Variants in FILIP1L observed in about 807,000 individuals in gnomAD.
FILIP1L encodes the protein filamin A interacting protein 1 like, also known as filamin A-interacting protein 1-like.
Under a neutral mutation model 96.6 loss-of-function variants are expected in FILIP1L, and 55 were observed. That is an observed-to-expected ratio of 0.57 (90% CI 0.46 to 0.71). The LOEUF (loss-of-function observed/expected upper bound fraction) is 0.71. Among genes scored for constraint, FILIP1L ranks in the 30% least tolerant of loss-of-function variants. The pLI is 0.00. For missense variants in FILIP1L, 1,304 were observed against 1,321.2 expected (o/e 0.99, Z 0.20); for synonymous variants, 467 against 473.9 (o/e 0.99, Z 0.19).
intron 4 of FILIP1L, among the ~76,000 whole-genome samples, chr3:99,877,820 C>T (rs370024717): frequency 6.6e-6 from 1 of 152,132 alleles, no homozygotes; most frequent in Non-Finnish European, 1.5e-5. Context: ...GATGCATAAA[C>T]ACCTGAATCT....
At position 99,930,834 on chromosome 3, in the gene FILIP1L, G is replaced by A; in HGVS notation, c.187C>T (p.Gln63Ter). 6.2e-7 allele frequency: 1 copy of A among 1,612,516 alleles called. No individual in the cohort carries two copies. Among genetic ancestry groups the A allele is most frequent in the Non-Finnish European group, 8.5e-7 (1 of 1,179,532 alleles). Residue 63 changes from glutamine to a stop codon, truncating the protein, a stop_gained, in exon 2 of 6, where the codon CAA (glutamine) becomes TAA (stop). Coordinates refer to ENST00000477258, the MANE Select transcript of FILIP1L (RefSeq NM_001387850.1). LOFTEE classifies it high-confidence loss of function. ...TCATCTCTTGAGAGGTCTTCTGCTTGGTGGCCATTACCACTGTGTGGCTTC... is the reference window on the plus strand; with the variant it reads ...TCATCTCTTGAGAGGTCTTCTGCTTAGTGGCCATTACCACTGTGTGGCTTC... Reference protein sequence around the residue: ...AEKPHSGNGHQAEDLSRDDLL... With the variant: ...AEKPHSGNGH
intron 1 of FILIP1L, among the ~76,000 whole-genome samples, chr3:100,111,901 G>T (rs1187387189): frequency 6.6e-6 from 1 of 152,098 alleles, no homozygotes; most frequent in Non-Finnish European, 1.5e-5. Flanking sequence ...TATCTATGTT[G>T]AACAACATGC....
chr3:100,099,901 G>C (rs2066275608), intron 1 of FILIP1L, among the ~76,000 whole-genome samples: 1 of 152,150 alleles, frequency 6.6e-6, no homozygotes, highest in Admixed American at 6.5e-5. Context: ...TGGGCAGAGG[G>C]TTTTGGAGTT....
At position 100,012,011 on chromosome 3, in the gene FILIP1L, C is replaced by A. The variant is rs553332470; in HGVS notation, c.-10-80981G>T. Reference sequence around the variant, plus strand: ...TTATGATAATTCCCATATCAATTATCATTTACCTGAATTGGATTTCTTTTG... The same window carrying A: ...TTATGATAATTCCCATATCAATTATAATTTACCTGAATTGGATTTCTTTTG... On this transcript the variant is annotated intron_variant, in intron 1 of 5. Transcript: ENST00000477258. 7.2e-5 allele frequency among the ~76,000 whole-genome samples: 11 copies of A among 152,276 alleles called. No individual in the cohort carries two copies. In the South Asian group the frequency reaches 2.3e-3, roughly 32 times the overall value.
chr3:100,103,141 T>C (rs557741471), intron 1 of FILIP1L, among the ~76,000 whole-genome samples: 80 of 152,318 alleles, frequency 5.3e-4, no homozygotes, highest in African/African-American at 1.9e-3. Flanking sequence ...ACCCTGTGAT[T>C]GTAGGCCAGG....
At chr3:99,974,253 A>G (rs1708903454) in intron 1 of FILIP1L, among the ~76,000 whole-genome samples, 1 of 152,242 alleles carries the variant, frequency 6.6e-6, no homozygotes, top group Non-Finnish European at 1.5e-5. Context: ...GTGCCAGTAT[A>G]TACAGTTCGT....
intron 1 of FILIP1L, among the ~76,000 whole-genome samples, chr3:99,985,270 G>A (rs1016657259): frequency 5.3e-5 from 8 of 152,088 alleles, no homozygotes; most frequent in Non-Finnish European, 5.9e-5. Context: ...GGTGGCTCAC[G>A]CCTGTAATTC....
At chr3:100,030,186 A>G (rs1194137458) in intron 1 of FILIP1L, among the ~76,000 whole-genome samples, 3 of 152,088 alleles carry the variant, frequency 2.0e-5, no homozygotes, top group Non-Finnish European at 4.4e-5. Context: ...TGGAACTCCT[A>G]TTTTCTAGTT....
At chr3:99,914,447 G>GAAGTA (rs1706888621) in intron 4 of FILIP1L, among the ~76,000 whole-genome samples, 1 of 151,872 alleles carries the variant, frequency 6.6e-6, no homozygotes, top group Admixed American at 6.6e-5. Context: ...TTTTTTTCCA[G>GAAGTA]AAGTAACACA....
At position 99,850,182 on chromosome 3, in the gene FILIP1L, C is replaced by A. The variant is rs372620284; in HGVS notation, c.1494G>T (p.Val498=). The A allele has an allele frequency of 8.7e-6, 14 of 1,610,890 alleles. No homozygotes were observed. Among genetic ancestry groups the A allele is most frequent in the Admixed American group, 3.4e-5 (2 of 59,620 alleles). The part of the protein sequence containing the change: ...EDLTKLKTLT[V]MFVDERKTMS... ...TTGTTTTCCGTTCATCTACAAACAT[C>A]ACAGTTAATGTTTTCAGTTTAGTTA... Residue 498 remains valine (V), a synonymous_variant, in exon 5 of 6, where the codon GTG becomes GTT. Coordinates refer to ENST00000477258, the MANE Select transcript of FILIP1L (RefSeq NM_001387850.1).
intron 1 of FILIP1L, among the ~76,000 whole-genome samples, chr3:99,941,416 C>T (rs555385732): frequency 6.6e-6 from 1 of 152,328 alleles, no homozygotes; most frequent in African/African-American, 2.4e-5. Context: ...GTAAAGCCAT[C>T]TCAGAGATAA....
intron 1 of FILIP1L, among the ~76,000 whole-genome samples, chr3:99,989,900 G>A (rs1709462836): frequency 6.6e-6 from 1 of 152,004 alleles, no homozygotes; most frequent in South Asian, 2.1e-4. Context: ...TTTTAAAACT[G>A]GAGTAGTTAT....
At chr3:99,921,238 G>A (rs913981420) in intron 4 of FILIP1L, among the ~76,000 whole-genome samples, 5 of 152,146 alleles carry the variant, frequency 3.3e-5, no homozygotes, top group East Asian at 1.9e-4. Flanking sequence ...GGCACACTAC[G>A]GGTATTTCAC....
chr3:99,972,297 G>A (rs1005968113), intron 1 of FILIP1L, among the ~76,000 whole-genome samples: 21 of 152,208 alleles, frequency 1.4e-4, no homozygotes, highest in Non-Finnish European at 2.9e-5. Flanking sequence ...TTCATTTGCC[G>A]AATTGACTTA....
intron 4 of FILIP1L, among the ~76,000 whole-genome samples, chr3:99,918,748 C>A (rs1482974876): frequency 1.3e-5 from 2 of 152,104 alleles, no homozygotes; most frequent in African/African-American, 4.8e-5. Flanking sequence ...TGTGTTAGGT[C>A]CAGCATGTAT....
At chr3:99,862,140 T>G (rs148539327) in intron 4 of FILIP1L, among the ~76,000 whole-genome samples, 1 of 152,332 alleles carries the variant, frequency 6.6e-6, no homozygotes, top group African/African-American at 2.4e-5. Flanking sequence ...TTAGCTTGAT[T>G]TAGCCATTCC....
intron 5 of FILIP1L, among the ~76,000 whole-genome samples, chr3:99,832,231 C>CTTTT (rs577849748): frequency 1.4e-5 from 2 of 138,160 alleles, no homozygotes; most frequent in Non-Finnish European, 3.2e-5. Context: ...ATTCCTAAAT[C>CTTTT]TTTTTTTTTT....
At chr3:99,989,683 TA>T (rs58562934) in intron 1 of FILIP1L, among the ~76,000 whole-genome samples, 85,730 of 134,352 alleles carry the variant, frequency 0.64, 25,062 homozygotes, top group East Asian at 0.75. Flanking sequence ...TATATATATA[TA>T]TTTTTTTTCT....
chr3:99,974,680 CTGAG>C (rs1708918678), intron 1 of FILIP1L, among the ~76,000 whole-genome samples: 1 of 152,060 alleles, frequency 6.6e-6, no homozygotes, highest in Non-Finnish European at 1.5e-5. Context: ...GCACTCCAGC[CTGAG>C]TAACAAGAGC....
Sources: gnomAD v4.1 joint callset for allele counts (sites outside exome capture counted in the v4.1 genomes callset) on GRCh38, gnomAD v4.1.1 for gene constraint, MANE v1.5 for transcripts, NCBI Gene and HGNC (gene_info 2026-07-23, HGNC 2026-07-21) for gene names.